The following C2 variants were observed in gnomAD, a reference collection of about 807,000 sequenced individuals.
C2 encodes the protein C3/C5 convertase.
A neutral mutation model predicts 85.2 loss-of-function variants in C2; 64 were observed. That is an observed-to-expected ratio of 0.75 (90% CI 0.61 to 0.92). The LOEUF is 0.92. Ranked by LOEUF, C2 falls within the 40% of genes least tolerant of loss-of-function variation. The probability of loss-of-function intolerance (pLI) is 0.00; values close to 1 mark genes in which losing one functional copy is unlikely to be tolerated. For missense variants in C2, 820 were observed against 971.6 expected, an observed-to-expected ratio of 0.84 and a Z score of 2.07; for synonymous variants, 311 against 370.8, an observed-to-expected ratio of 0.84 and a Z score of 1.85.
rs1030121437 is a variant in C2, at chr6:31,922,405, G to T, written c.-100+2379G>T. 6.6e-6 allele frequency among the ~76,000 whole-genome samples: 1 copy of T among 152,174 alleles called. No homozygotes were observed. The highest frequency in any genetic ancestry group is 1.5e-5 in the Non-Finnish European group (1 of 68,024). On this transcript the variant is annotated intron_variant, in intron 1 of 3. Coordinates refer to the C2 transcript ENST00000413154. This position sits in a 1 kb window ranked among gnomAD's most constrained non-coding sequence, Gnocchi z 4.8. The stretch of plus-strand genomic sequence containing the variant: ...ATGCCCAAGTGGCCAGACTGGATAA[G>T]GAGTAGACTGGCCACTAGAGTGGGG...
chr6:31,944,111 A>G lies in C2; in HGVS notation c.1811-24A>G, dbSNP rs1459267531. ...GATTCTGGGTAAAAGGACCAGCACC[A>G]ACATCCCCTTCTCTTGACTATAGAG... is the stretch of plus-strand genomic sequence containing the variant. On this transcript the variant is annotated intron_variant, in intron 14 of 17. Coordinates refer to ENST00000299367, the MANE Select transcript of C2 (RefSeq NM_000063.6). This position sits in a 1 kb window ranked among gnomAD's most constrained non-coding sequence, Gnocchi z 5.1. 2 of 1,601,470 alleles carry G rather than the reference A, an allele frequency of 1.2e-6. No individual in the cohort carries two copies. Among genetic ancestry groups the G allele is most frequent in the Non-Finnish European group, 8.6e-7 (1 of 1,169,468 alleles).
upstream of C2, chr6:31,900,700 A>C (rs1457257142): frequency 6.2e-7 from 1 of 1,603,166 alleles, no homozygotes; most frequent in Admixed American, 1.7e-5. The surrounding 1 kb of genome is among the most constrained non-coding windows in gnomAD (Gnocchi z 9.7). Flanking sequence ...ACACGTCCTC[A>C]TCCTCATCCT....
rs200964591 is a variant in C2, at chr6:31,937,199, A to ACT, written c.989-114_989-113dup. 3.0e-5 allele frequency: 30 copies of ACT among 985,200 alleles called. No individual in the cohort carries two copies. The East Asian group carries it at 3.1e-4, about 10-fold the overall frequency. The allele number at this position is 985,200 out of a possible 1,614,324, so 61.0% of individuals were successfully genotyped here. ...ACTCTAGCCTGGGTGGCAGAGCGAGACTCTCTCAAAAAAAAAAAAAAAATT... is the reference window on the plus strand; with the variant it reads ...ACTCTAGCCTGGGTGGCAGAGCGAGACTCTCTCTCAAAAAAAAAAAAAAAATT... On this transcript the variant is annotated intron_variant, in intron 7 of 17. Coordinates refer to ENST00000299367, the MANE Select transcript of C2 (RefSeq NM_000063.6).
At chr6:31,923,863 G>A (rs1478937570), upstream of C2, among the ~76,000 whole-genome samples, 4 of 148,334 alleles carry the variant, frequency 2.7e-5, no homozygotes, top group Admixed American at 6.8e-5. Flanking sequence ...GCAGTAGCGC[G>A]ATCTCAGCTC....
intron 1 of C2, chr6:31,901,347 CAG>C: frequency 6.4e-7 from 1 of 1,572,942 alleles, no homozygotes; most frequent in Non-Finnish European, 8.6e-7. Context: ...GGAAACCGGT[CAG>C]AGACAAAGGT....
In C2 at chr6:31,910,180, G is replaced by GT. The variant is rs935109413; in HGVS notation, c.73+9052dup. Among the ~76,000 whole-genome samples, 379 of 144,388 alleles carry GT rather than the reference G, an allele frequency of 2.6e-3. 2 individuals carry two copies. The highest frequency in any genetic ancestry group is 8.4e-3 in the Admixed American group (121 of 14,424). The allele number at this position is 144,388 out of a possible 152,430, so 94.7% of individuals were successfully genotyped here. ...AGACGTGAGCCACCGCGCCTGGCTT[G>GT]TTTTTTTTTTTAAATAGACATTCTA... On this transcript the variant is annotated intron_variant, in intron 1 of 3. Coordinates refer to the C2 transcript ENST00000452202.
At chr6:31,906,555 C>T (rs1767726332) in intron 1 of C2, among the ~76,000 whole-genome samples, 1 of 151,970 alleles carries the variant, frequency 6.6e-6, no homozygotes. Context: ...ATTCTCCCAG[C>T]ACCTTGTGAA....
At chr6:31,937,898 G>T (rs1465894015) in intron 8 of C2, among the ~76,000 whole-genome samples, 1 of 151,896 alleles carries the variant, frequency 6.6e-6, no homozygotes, top group African/African-American at 2.4e-5. Context: ...CCAGCTACTT[G>T]GGAGGCTGAG....
intron 1 of C2, among the ~76,000 whole-genome samples, chr6:31,905,320 C>A (rs1767641929): frequency 6.6e-6 from 1 of 151,666 alleles, no homozygotes. Context: ...TGCTTGGGAT[C>A]CCAGTTACAT....
At chr6:31,927,549 C>T, upstream of C2, 1 of 1,490,748 alleles carries the variant, frequency 6.7e-7, no homozygotes, top group Non-Finnish European at 8.8e-7. This position sits in a 1 kb window ranked among gnomAD's most constrained non-coding sequence, Gnocchi z 4.7. Flanking sequence ...ATCAGGGAGA[C>T]AGGGCAAAGG....
At chr6:31,908,105 C>G (rs1389873215) in intron 1 of C2, among the ~76,000 whole-genome samples, 1 of 150,784 alleles carries the variant, frequency 6.6e-6, no homozygotes, top group African/African-American at 2.4e-5. Context: ...CTCAGCCTCC[C>G]AAAGTGCTGG....
chr6:31,909,070 G>C (rs1416736028), intron 1 of C2, among the ~76,000 whole-genome samples: 1 of 151,908 alleles, frequency 6.6e-6, no homozygotes, highest in African/African-American at 2.4e-5. Flanking sequence ...GTTTAGTTTT[G>C]TCTGTTTGAC....
chr6:31,901,005 C>G, exon 1 of C2: 1 of 1,614,196 alleles, frequency 6.2e-7, no homozygotes, highest in Non-Finnish European at 8.5e-7. Flanking sequence ...AGGTAGTTGA[C>G]GATGTCCCTA....
At chr6:31,934,385 T>A in intron 6 of C2, 86 bp downstream of exon 6, 1 of 1,556,074 alleles carries the variant, frequency 6.4e-7, no homozygotes. Flanking sequence ...AGAACCCCAC[T>A]CACAGCCCAC....
intron 1 of C2, among the ~76,000 whole-genome samples, chr6:31,903,464 T>C (rs1767518047): frequency 6.6e-6 from 1 of 152,002 alleles, no homozygotes; most frequent in Admixed American, 6.5e-5. Context: ...ACCCTGACTC[T>C]ACTAAATATA....
At chr6:31,929,341 C>T (rs1296436563) in intron 3 of C2, among the ~76,000 whole-genome samples, 1 of 152,168 alleles carries the variant, frequency 6.6e-6, no homozygotes, top group Non-Finnish European at 1.5e-5. Context: ...ACCTTTCTAG[C>T]CCTCAGTTTT....
chr6:31,933,480 G>A, intron 3 of C2, 130 bp from the exon 4 acceptor site: 1 of 866,782 alleles, frequency 1.2e-6, no homozygotes, highest in Non-Finnish European at 1.8e-6. Flanking sequence ...GTCTCTGGGG[G>A]CTCTGGGACA....
upstream of C2, chr6:31,927,467 T>A: frequency 7.1e-7 from 1 of 1,407,610 alleles, no homozygotes; most frequent in South Asian, 1.5e-5. The surrounding 1 kb of genome is among the most constrained non-coding windows in gnomAD (Gnocchi z 4.7). Flanking sequence ...TGTGCACGCA[T>A]GGGTGGGTGG....
At chr6:31,901,645 G>T (rs1196330947) in intron 1 of C2, among the ~76,000 whole-genome samples, 2 of 151,792 alleles carry the variant, frequency 1.3e-5, no homozygotes, top group Non-Finnish European at 2.9e-5. Context: ...AGGTGGCCCC[G>T]GTTGCAGGCT....
Sources: allele counts gnomAD v4.1 joint callset (sites outside exome capture counted in the v4.1 genomes callset), GRCh38; gene constraint gnomAD v4.1.1; non-coding constraint Gnocchi (gnomAD v3.1); transcripts MANE v1.5; gene names NCBI Gene and HGNC (gene_info 2026-07-23, HGNC 2026-07-21).